Variants in CSF2RB observed in about 807,000 individuals in gnomAD.
CSF2RB encodes the protein cytokine receptor common subunit beta.
A neutral mutation model predicts 67.2 loss-of-function variants in CSF2RB; 22 were observed. That is an observed-to-expected ratio of 0.33 (90% CI 0.23 to 0.47). CSF2RB has a LOEUF of 0.47. Among genes scored for constraint, CSF2RB ranks in the 20% least tolerant of loss-of-function variants. The pLI, the probability that CSF2RB is intolerant of heterozygous loss-of-function variation, is 1.00. For synonymous variants in CSF2RB, 507 were observed against 482.9 expected, an observed-to-expected ratio of 1.05 and a Z score of -0.65; for missense variants, 1,113 against 1,174.5, an observed-to-expected ratio of 0.95 and a Z score of 0.76.
chr22:36,938,959 C>A lies in CSF2RB; in HGVS notation c.*457C>A. ...GTGGGCTGCCTGTCCCCGGCAGTCG[C>A]TGATGCACATGACATGATTCTCATC... is the stretch of plus-strand genomic sequence containing the variant. On this transcript the variant is annotated 3_prime_UTR_variant, in exon 14 of 14. Coordinates refer to ENST00000403662, the MANE Select transcript of CSF2RB (RefSeq NM_000395.3). 1.7e-6 allele frequency: 1 copy of A among 602,366 alleles called. No individual in the cohort carries two copies. Among genetic ancestry groups the A allele is most frequent in the Non-Finnish European group, 3.0e-6 (1 of 337,072 alleles). The allele number at this position is 602,366 out of a possible 1,614,324, so 37.3% of individuals were successfully genotyped here.
chr22:36,923,613 G>T, intron 3 of CSF2RB: 3 of 803,886 alleles, frequency 3.7e-6, no homozygotes, highest in Non-Finnish European at 3.0e-6. Flanking sequence ...CAATGGTGGT[G>T]GTGGCAATGG....
intron 9 of CSF2RB, 102 bp downstream of exon 9, chr22:36,933,006 T>A: frequency 6.9e-7 from 1 of 1,457,426 alleles, no homozygotes; most frequent in South Asian, 1.3e-5. Context: ...CCTTGGCAGG[T>A]GACCAGTGAG....
chr22:36,934,300 G>A (rs1025638300), intron 10 of CSF2RB, among the ~76,000 whole-genome samples: 1 of 152,156 alleles, frequency 6.6e-6, no homozygotes, highest in African/African-American at 2.4e-5. Flanking sequence ...ACATCTCTGG[G>A]TGGGCACAGA....
chr22:36,916,247 A>G (rs1345776354), intron 1 of CSF2RB, among the ~76,000 whole-genome samples: 1 of 152,222 alleles, frequency 6.6e-6, no homozygotes, highest in East Asian at 1.9e-4. Flanking sequence ...CTAAGATTAC[A>G]GAAAGAGTTT....
At position 36,938,697 on chromosome 22, in the gene CSF2RB, A is replaced by G; in HGVS notation, c.*195A>G. The G allele has an allele frequency of 1.7e-6, 1 of 603,082 alleles. No individual in the cohort carries two copies. The highest frequency in any genetic ancestry group is 2.1e-5 in the South Asian group (1 of 47,326). The allele number at this position is 603,082 out of a possible 1,614,324, so 37.4% of individuals were successfully genotyped here. On this transcript the variant is annotated 3_prime_UTR_variant, in exon 14 of 14. Transcript: ENST00000403662. ...TCTCTCCCTGCGCTCACACAGACAC[A>G]CACACACACACGTACATGCACACAT...
At chr22:36,925,069 G>T (rs369240665) in intron 3 of CSF2RB, among the ~76,000 whole-genome samples, 2 of 152,172 alleles carry the variant, frequency 1.3e-5, no homozygotes, top group Non-Finnish European at 2.9e-5. Context: ...CCAAAGTCCC[G>T]CTCTCACCCG....
chr22:36,917,138 G>A (rs1940738095), intron 1 of CSF2RB, among the ~76,000 whole-genome samples: 2 of 152,128 alleles, frequency 1.3e-5, no homozygotes, highest in South Asian at 4.1e-4. Flanking sequence ...GAAATGTCTT[G>A]TTTATTATTA....
rs1028199229 is a variant in CSF2RB, at chr22:36,940,334, A to G, written c.*1832A>G. The G allele has an allele frequency of 6.6e-6, 1 of 152,268 alleles. No individual in the cohort carries two copies. Among genetic ancestry groups the G allele is most frequent in the African/African-American group, 2.4e-5 (1 of 41,474 alleles). The allele number at this position is 152,268 out of a possible 1,614,324, so 9.4% of individuals were successfully genotyped here. ...AAGTAGAATCCTCTGTTCATAATGA[A>G]CAAGATGAACCAATGTGGATTAGAA... On this transcript the variant is annotated 3_prime_UTR_variant, in exon 14 of 14. Coordinates refer to ENST00000403662, the MANE Select transcript of CSF2RB (RefSeq NM_000395.3).
chr22:36,919,946 C>T (rs9607397), intron 1 of CSF2RB, among the ~76,000 whole-genome samples: 67,016 of 151,966 alleles, frequency 0.44, 16,766 homozygotes, highest in Admixed American at 0.58. Context: ...ATTTGGGAAA[C>T]TGAATCACTA....
At position 36,937,931 on chromosome 22, in the gene CSF2RB, C is replaced by T; in HGVS notation, c.2123C>T (p.Ala708Val). The part of the protein sequence containing the change: ...SSGDTEDPGV[A>V]SGYVSSADLV... ...GGGGACACTGAGGACCCTGGAGTGG[C>T]CTCTGGTTATGTCTCCTCTGCAGAC... is the stretch of plus-strand genomic sequence containing the variant. The change falls in exon 14 of 14, where the codon GCC (alanine) becomes GTC (valine). Residue 708 changes from alanine to valine, a missense_variant. Around this residue, in one of 2 missense-constraint regions of CSF2RB, gnomAD observed 554 missense variants for 517.9 expected, o/e 1.07. Transcript: ENST00000403662. This position sits in a 1 kb window ranked among gnomAD's most constrained non-coding sequence, Gnocchi z 4.6. 6.2e-7 allele frequency: 1 copy of T among 1,610,480 alleles called. No homozygotes were observed. Among genetic ancestry groups the T allele is most frequent in the East Asian group, 2.2e-5 (1 of 44,868 alleles).
Position 36,938,466 on chromosome 22 carries a change from C to T in CSF2RB, c.2658C>T (p.Pro886=). The T allele has an allele frequency of 6.2e-7, 1 of 1,613,974 alleles. No homozygotes were observed. The highest frequency in any genetic ancestry group is 8.5e-7 in the Non-Finnish European group (1 of 1,179,954). The change falls in exon 14 of 14, where the codon CCC becomes CCT. Residue 886 remains proline (P), a synonymous_variant. Transcript: ENST00000403662. The part of the protein sequence containing the change: ...ALKQQDYLSL[P]PWEVNKPGEV... ...AGCAGCAGGACTACCTGTCTCTGCC[C>T]CCTTGGGAGGTCAACAAGCCTGGGG...
At chr22:36,928,431 G>A (rs1419406966) in intron 4 of CSF2RB, among the ~76,000 whole-genome samples, 9 of 152,158 alleles carry the variant, frequency 5.9e-5, no homozygotes, top group Admixed American at 1.3e-4. Flanking sequence ...GGTGAGGAGG[G>A]GCGGTTCCCC....
At position 36,930,636 on chromosome 22, in the gene CSF2RB, T is replaced by G. The variant is rs116739204; in HGVS notation, c.855-37T>G. On this transcript the variant is annotated intron_variant, in intron 7 of 13. Coordinates refer to ENST00000403662, the MANE Select transcript of CSF2RB (RefSeq NM_000395.3). The stretch of plus-strand genomic sequence containing the variant: ...AAGCTCTCCTCCCTCCCGTGTGCCC[T>G]CCCTCTCCCTGCCCTCAGCTCTGCT... 3,059 of 1,611,454 alleles carry G rather than the reference T, an allele frequency of 1.9e-3. 55 individuals carry two copies. In the African/African-American group the frequency reaches 0.038, roughly 20 times the overall value.
Position 36,937,981 on chromosome 22 carries a change from G to A in CSF2RB, c.2173G>A (p.Ala725Thr), listed in dbSNP as rs749743157. The change falls in exon 14 of 14, where the codon GCC (alanine) becomes ACC (threonine). Residue 725 changes from alanine to threonine, a missense_variant. Coordinates refer to ENST00000403662, the MANE Select transcript of CSF2RB (RefSeq NM_000395.3). This position sits in a 1 kb window ranked among gnomAD's most constrained non-coding sequence, Gnocchi z 4.6. Reference sequence around the variant, plus strand: ...CCTGGTATTCACCCCAAACTCAGGGGCCTCGTCTGTCTCCCTAGTTCCCTC... The same window carrying A: ...CCTGGTATTCACCCCAAACTCAGGGACCTCGTCTGTCTCCCTAGTTCCCTC... The part of the protein sequence containing the change: ...ADLVFTPNSG[A>T]SSVSLVPSLG... 3.1e-6 allele frequency: 5 copies of A among 1,613,986 alleles called. No homozygotes were observed. In the South Asian group the frequency reaches 3.3e-5, roughly 11 times the overall value.
rs2075943 is a variant in CSF2RB at position 36,922,967 on chromosome 22, G to A, written c.77-277G>A. Among the ~76,000 whole-genome samples the A allele has an allele frequency of 0.47, 71,577 of 151,850 alleles. 18,702 individuals are homozygous for A. The highest frequency in any genetic ancestry group is 0.6 in the Admixed American group (9,127 of 15,286). On this transcript the variant is annotated intron_variant, in intron 2 of 13. Transcript: ENST00000403662. ...GATGCATGTCCCTGTCCTGGGGTGGGGGGAGGGGACCGTGCCCAGGAACAG... is the reference window on the plus strand; with the variant it reads ...GATGCATGTCCCTGTCCTGGGGTGGAGGGAGGGGACCGTGCCCAGGAACAG...
intron 1 of CSF2RB, among the ~76,000 whole-genome samples, chr22:36,914,951 CAA>C (rs1257975631): frequency 1.3e-5 from 2 of 152,330 alleles, no homozygotes; most frequent in Non-Finnish European, 2.9e-5. Context: ...TTATGTAGCA[CAA>C]GAGACAAAGT....
chr22:36,930,779 G>A lies in CSF2RB; in HGVS notation c.961G>A (p.Val321Ile), dbSNP rs368230425. 3.7e-5 allele frequency: 59 copies of A among 1,614,052 alleles called. No individual in the cohort carries two copies. In the East Asian group the frequency reaches 9.4e-4, roughly 26 times the overall value. ...PDPATHGQYI[V>I]SVQPRRAEKH... ...CCCCGCGACCCACGGCCAATACATCGTCTCTGTTCAGCCAAGGAGGGCAGA... is the reference window on the plus strand; with the variant it reads ...CCCCGCGACCCACGGCCAATACATCATCTCTGTTCAGCCAAGGAGGGCAGA... Residue 321 changes from valine to isoleucine, a missense_variant, in exon 8 of 14, where the codon GTC (valine) becomes ATC (isoleucine). Coordinates refer to ENST00000403662, the MANE Select transcript of CSF2RB (RefSeq NM_000395.3).
At chr22:36,921,402 ATATG>A (rs1203993506) in intron 1 of CSF2RB, among the ~76,000 whole-genome samples, 36 of 149,920 alleles carry the variant, frequency 2.4e-4, no homozygotes, top group African/African-American at 8.1e-4. Context: ...GTACGTGTAT[ATATG>A]TATGTATCTG....
At chr22:36,930,271 C>T in intron 6 of CSF2RB, 104 bp from the exon 7 acceptor site, 6 of 1,537,670 alleles carry the variant, frequency 3.9e-6, no homozygotes, top group Non-Finnish European at 5.4e-6. Context: ...GTCTTTTGGC[C>T]CCAGAGCTCA....
Sources: allele counts gnomAD v4.1 joint callset (sites outside exome capture counted in the v4.1 genomes callset), GRCh38; gene constraint gnomAD v4.1.1; regional missense constraint gnomAD v4.1.1; non-coding constraint Gnocchi (gnomAD v3.1); transcripts MANE v1.5; gene names NCBI Gene and HGNC (gene_info 2026-07-23, HGNC 2026-07-21).